Variants in ZNF662 observed in about 807,000 individuals in gnomAD.
ZNF662 encodes the protein zinc finger protein 662.
Under a neutral mutation model 12.4 loss-of-function variants are expected in ZNF662, and 14 were observed. The ratio of observed to expected loss-of-function variants is 1.13; its 90% confidence interval spans 0.75 to 1.77. ZNF662 has a LOEUF of 1.77. ZNF662 is among the 40% of genes most tolerant of loss of function. ZNF662 has a pLI of 0.00. For synonymous variants in ZNF662, 184 were observed against 176.4 expected (o/e 1.04, Z -0.34); for missense variants, 550 against 515.6 (o/e 1.07, Z -0.65).
chr3:42,913,218 C>T lies in ZNF662; in HGVS notation c.169C>T (p.Pro57Ser). The change falls in exon 4 of 5, where the codon CCT (proline) becomes TCT (serine). Residue 57 changes from proline (P) to serine (S), a missense_variant. Pro to Ser is a moderately conservative substitution (Grantham distance 74). Transcript: ENST00000440367. ...GISSGYPFLKPAGISHPEQVE... is the reference protein window; with the variant it reads ...GISSGYPFLKSAGISHPEQVE... ...CCTGGCAGGATATCCATTTCTAAAG[C>T]CTGCTGGGATTTCCCATCCTGAGCA... 1 of 1,613,904 alleles carries T rather than the reference C, an allele frequency of 6.2e-7. No individual in the cohort carries two copies. The highest frequency in any genetic ancestry group is 8.5e-7 in the Non-Finnish European group (1 of 1,179,872).
At chr3:42,912,719 TATTTTTTATATATATAA>T (rs2088840944) in intron 3 of ZNF662, among the ~76,000 whole-genome samples, 2 of 89,448 alleles carry the variant, frequency 2.2e-5, no homozygotes, top group African/African-American at 4.9e-5. Context: ...TATATATATA[TATTTTTTATATATATAA>T]ATATATATAT....
rs572148923 is a variant in ZNF662, at chr3:42,908,735, C to G, written c.35-58C>G. ...CTGAAGACACTGGCCTGGGAGGAGCCTTGGGATTACTGTGTGCCATGCCAC... is the reference window on the plus strand; with the variant it reads ...CTGAAGACACTGGCCTGGGAGGAGCGTTGGGATTACTGTGTGCCATGCCAC... On this transcript the variant is annotated intron_variant, in intron 2 of 4. Coordinates refer to ENST00000440367, the MANE Select transcript of ZNF662 (RefSeq NM_207404.4). 2.2e-4 allele frequency: 353 copies of G among 1,569,478 alleles called. 1 individual carries two copies. In the African/African-American group the frequency reaches 4.3e-3, roughly 19 times the overall value.
chr3:42,911,810 G>C (rs1243424626), intron 3 of ZNF662, among the ~76,000 whole-genome samples: 1 of 152,130 alleles, frequency 6.6e-6, no homozygotes, highest in Non-Finnish European at 1.5e-5. Context: ...GCTGAGTGAG[G>C]GTGTGAGTCC....
intron 1 of ZNF662, 135 bp from the exon 2 acceptor site, chr3:42,907,887 G>T: frequency 1.4e-6 from 2 of 1,397,294 alleles, no homozygotes; most frequent in Non-Finnish European, 1.9e-6. Flanking sequence ...ATCTTCTGCT[G>T]ATAGAGTTCC....
In ZNF662 at chr3:42,915,230, G is replaced by A; in HGVS notation, c.1157G>A (p.Arg386Lys). The A allele has an allele frequency of 6.2e-7, 1 of 1,613,564 alleles. No homozygotes were observed. Among genetic ancestry groups the A allele is most frequent in the Non-Finnish European group, 8.5e-7 (1 of 1,179,852 alleles). ...CATCAAAGAATCCATACTGGGGAAA[G>A]ACCCTATAAATGTAATGACTGTGGG... ...IRHQRIHTGE[R>K]PYKCNDCGKA... Residue 386 changes from arginine to lysine, a missense_variant, in exon 5 of 5, where the codon AGA becomes AAA. Coordinates refer to ENST00000440367, the MANE Select transcript of ZNF662 (RefSeq NM_207404.4).
chr3:42,912,693 ATTTTATATATATAAATATATATATATAT>A (rs2088837161), intron 3 of ZNF662, among the ~76,000 whole-genome samples: 2 of 53,092 alleles, frequency 3.8e-5, no homozygotes, highest in Non-Finnish European at 6.3e-5. Flanking sequence ...ATATATATAT[ATTTTATATATATAAATATATATATATAT>A]TTTTTATATA....
Position 42,917,591 on chromosome 3 carries a change from G to A in ZNF662, c.*2237G>A, listed in dbSNP as rs1296716364. On this transcript the variant is annotated 3_prime_UTR_variant, in exon 5 of 5. Transcript: ENST00000440367. ...TAGACCAAGCTTTACCTGAAGCAGA[G>A]CTACCTCAGAACTTTTCAGCTATGT... is the stretch of plus-strand genomic sequence containing the variant. 13 of 699,010 alleles carry A rather than the reference G, an allele frequency of 1.9e-5. No homozygotes were observed. Among genetic ancestry groups the A allele is most frequent in the African/African-American group, 8.8e-5 (5 of 56,948 alleles). The allele number at this position is 699,010 out of a possible 1,614,324, so 43.3% of individuals were successfully genotyped here.
At chr3:42,907,393 G>C (rs1001134960) in intron 1 of ZNF662, among the ~76,000 whole-genome samples, 3 of 152,136 alleles carry the variant, frequency 2.0e-5, no homozygotes, top group African/African-American at 7.2e-5. Context: ...AGCTGCCTCT[G>C]TGGCTGGTGG....
chr3:42,917,295 A>T lies in ZNF662; in HGVS notation c.*1941A>T. ...CAGTTTATCCCATCCCCTTGGCCAC[A>T]GAGCCATTGTGATATGAGGAGATAC... On this transcript the variant is annotated 3_prime_UTR_variant, in exon 5 of 5. Coordinates refer to ENST00000440367, the MANE Select transcript of ZNF662 (RefSeq NM_207404.4). 1.8e-6 allele frequency: 1 copy of T among 560,832 alleles called. No homozygotes were observed. Among genetic ancestry groups the T allele is most frequent in the Non-Finnish European group, 3.1e-6 (1 of 320,290 alleles). 34.7% of individuals were successfully genotyped at this position (560,832 alleles called of 1,614,324 possible).
In ZNF662 at chr3:42,917,533, A is replaced by G. The variant is rs373102345; in HGVS notation, c.*2179A>G. ...AAGAAAACAGTGACTAAACAGAGAG[A>G]AACTAGGTCCTTGGTGACATCTTTT... On this transcript the variant is annotated 3_prime_UTR_variant, in exon 5 of 5. Transcript: ENST00000440367. 58 of 702,964 alleles carry G rather than the reference A, an allele frequency of 8.3e-5. No individual in the cohort carries two copies. Among genetic ancestry groups the G allele is most frequent in the African/African-American group, 2.4e-4 (14 of 57,378 alleles). 43.5% of individuals were successfully genotyped at this position (702,964 alleles called of 1,614,324 possible).
chr3:42,913,251 G>A lies in ZNF662; in HGVS notation c.202G>A (p.Glu68Lys), dbSNP rs200357760. 2 of 1,614,080 alleles carry A rather than the reference G, an allele frequency of 1.2e-6. No homozygotes were observed. Among genetic ancestry groups the A allele is most frequent in the Admixed American group, 3.3e-5 (2 of 60,022 alleles). ...GATTTCCCATCCTGAGCAGGTGGAA[G>A]AGCCATTAAACCTGAAACTGCAAGG... ...AGISHPEQVE[E>K]PLNLKLQGEG... is the part of the protein sequence containing the mutation. Residue 68 changes from glutamate to lysine, a missense_variant, in exon 4 of 5, where the codon GAG becomes AAG. Physicochemically the swap from Glu to Lys is moderately conservative, Grantham distance 56 (BLOSUM62 1). Coordinates refer to ENST00000440367, the MANE Select transcript of ZNF662 (RefSeq NM_207404.4).
intron 1 of ZNF662, chr3:42,907,630 T>C (rs577938049): frequency 3.1e-6 from 3 of 955,570 alleles, no homozygotes; most frequent in East Asian, 1.2e-4. Context: ...AAAGAATATA[T>C]GTCAAGTGCT....
Position 42,909,954 on chromosome 3 carries a change from G to A in ZNF662, c.151+1045G>A, listed in dbSNP as rs867479703. On this transcript the variant is annotated intron_variant, in intron 3 of 4. Transcript: ENST00000440367. The stretch of plus-strand genomic sequence containing the variant: ...CTCCTCACTTCCTAGACGGGGTGGC[G>A]GCCGGGCAGACGCTGCAATCTCGGC... Among the ~76,000 whole-genome samples the A allele has an allele frequency of 7.2e-5, 11 of 152,302 alleles. No individual in the cohort carries two copies. The South Asian group carries it at 1.2e-3, about 17-fold the overall frequency.
chr3:42,908,684 A>T, intron 2 of ZNF662, 109 bp from the exon 3 acceptor site: 1 of 1,469,972 alleles, frequency 6.8e-7, no homozygotes, highest in Non-Finnish European at 9.1e-7. Flanking sequence ...CTTCCTAGTT[A>T]TTTCCGTTTT....
In ZNF662 at chr3:42,915,864, ATC is replaced by A. The variant is rs1367983681; in HGVS notation, c.*516_*517del. ...AGATCTAGCTCCTTCAACTAAGAAG[ATC>A]TCTCTTCCTCTTCTACTTGTAATCA... On this transcript the variant is annotated 3_prime_UTR_variant, in exon 5 of 5. Transcript: ENST00000440367. 1.3e-5 allele frequency: 2 copies of A among 154,200 alleles called. No individual in the cohort carries two copies. The highest frequency in any genetic ancestry group is 2.9e-5 in the Non-Finnish European group (2 of 69,412). 9.6% of individuals were successfully genotyped at this position (154,200 alleles called of 1,614,324 possible). A position where few individuals can be genotyped will look rare whatever the true frequency, so the allele number is the denominator to read the frequency against.
chr3:42,909,417 G>T (rs1200981747), intron 3 of ZNF662, among the ~76,000 whole-genome samples: 1 of 151,862 alleles, frequency 6.6e-6, no homozygotes, highest in African/African-American at 2.4e-5. Flanking sequence ...CAAGGCAGAA[G>T]AATTTTTCTT....
Position 42,918,678 on chromosome 3 carries a change from G to C in ZNF662, c.*3324G>C, listed in dbSNP as rs1476780725. Among the ~76,000 whole-genome samples, 5 of 152,242 alleles carry C rather than the reference G, an allele frequency of 3.3e-5. No individual in the cohort carries two copies. The South Asian group carries it at 1.0e-3, about 32-fold the overall frequency. ...TAAGGGTAGTGATCGATCTTAACTG[G>C]TTCCTGCTGATGGGGGCACTGTTTT... On this transcript the variant is annotated 3_prime_UTR_variant, in exon 5 of 5. Transcript: ENST00000440367.
At chr3:42,908,548 T>G (rs1490501847) in intron 2 of ZNF662, 11 of 1,318,846 alleles carry the variant, frequency 8.3e-6, no homozygotes, top group Non-Finnish European at 9.7e-6. Context: ...GAGGACTCAA[T>G]TCCTCAATGA....
rs139319448 is a variant in ZNF662 at position 42,907,906 on chromosome 3, T to C, written c.-93-116T>C. 6.8e-4 allele frequency: 981 copies of C among 1,451,192 alleles called. 7 individuals carry two copies. The African/African-American group carries it at 0.013, about 19-fold the overall frequency. The allele number at this position is 1,451,192 out of a possible 1,614,324, so 89.9% of individuals were successfully genotyped here. On this transcript the variant is annotated intron_variant, in intron 1 of 4. Transcript: ENST00000440367. ...TCTGCTGATAGAGTTCCTGTAGACA[T>C]TCAGAATCCAGAATCCCCACAGGCA...
Sources: gnomAD v4.1 joint callset for allele counts (sites outside exome capture counted in the v4.1 genomes callset) on GRCh38, gnomAD v4.1.1 for gene constraint, MANE v1.5 for transcripts, NCBI Gene and HGNC (gene_info 2026-07-23, HGNC 2026-07-21) for gene names.